The following WDR33 variants were observed in gnomAD, a reference collection of about 807,000 sequenced individuals.
WDR33 encodes pre-mRNA 3' end processing protein WDR33.
WDR33 carries 47 observed loss-of-function variants against 164.9 expected under a neutral mutation model. That is an observed-to-expected ratio of 0.29 (90% CI 0.23 to 0.36). The LOEUF (loss-of-function observed/expected upper bound fraction) is 0.36, where lower values mean the gene tolerates loss of function less well. Among genes scored for constraint, WDR33 ranks in the 10% least tolerant of loss-of-function variants. The pLI is 1.00. For synonymous variants in WDR33, 505 were observed against 589.0 expected (o/e 0.86, Z 2.06); for missense variants, 1,137 against 1,754.1 (o/e 0.65, Z 6.28).
At position 127,706,247 on chromosome 2, in the gene WDR33, T is replaced by C. The variant is rs1686005863; in HGVS notation, c.*76A>G. ...AGGGCTACAATGGTGCAGGCTTCCTTTTGTTTCTCTTGGTGAGTCCACAAG... is the reference window on the plus strand; with the variant it reads ...AGGGCTACAATGGTGCAGGCTTCCTCTTGTTTCTCTTGGTGAGTCCACAAG... On this transcript the variant is annotated 3_prime_UTR_variant, in exon 22 of 22. Transcript: ENST00000322313. The surrounding 1 kb of genome is among the most constrained non-coding windows in gnomAD (Gnocchi z 5.1). The C allele has an allele frequency of 7.4e-7, 1 of 1,354,954 alleles. No homozygotes were observed. The highest frequency in any genetic ancestry group is 9.8e-7 in the Non-Finnish European group (1 of 1,015,692). The allele number at this position is 1,354,954 out of a possible 1,614,324, so 83.9% of individuals were successfully genotyped here.
chr2:127,764,428 C>G lies in WDR33; in HGVS notation c.626+400G>C. ...AGCCTTTTTCCACTTTGTGTGAATT[C>G]TGAAGTTGTTTTCTGTAGGCTTTAG... On this transcript the variant is annotated intron_variant, in intron 6 of 21. Transcript: ENST00000322313. The surrounding 1 kb of genome is among the most constrained non-coding windows in gnomAD (Gnocchi z 6.2). 1.4e-6 allele frequency: 2 copies of G among 1,448,186 alleles called. No homozygotes were observed. Among genetic ancestry groups the G allele is most frequent in the Non-Finnish European group, 9.1e-7 (1 of 1,103,570 alleles). The allele number at this position is 1,448,186 out of a possible 1,614,324, so 89.7% of individuals were successfully genotyped here.
In WDR33 at chr2:127,721,781, G is replaced by A; in HGVS notation, c.1671+55C>T. Reference sequence around the variant, plus strand: ...TCCTTAAGAGCCTATCAATAAAAATGTCACCACTACCCTCTTAGATCATCT... The same window carrying A: ...TCCTTAAGAGCCTATCAATAAAAATATCACCACTACCCTCTTAGATCATCT... On this transcript the variant is annotated intron_variant, in intron 15 of 21. Transcript: ENST00000322313. The surrounding 1 kb of genome is among the most constrained non-coding windows in gnomAD (Gnocchi z 4.9). The A allele has an allele frequency of 3.3e-6, 5 of 1,519,542 alleles. No homozygotes were observed. The highest frequency in any genetic ancestry group is 4.4e-6 in the Non-Finnish European group (5 of 1,137,172). The allele number at this position is 1,519,542 out of a possible 1,614,324, so 94.1% of individuals were successfully genotyped here.
intron 1 of WDR33, among the ~76,000 whole-genome samples, chr2:127,809,355 A>AAG (rs1382731414): frequency 6.6e-6 from 1 of 151,896 alleles, no homozygotes; most frequent in African/African-American, 2.4e-5. Context: ...AAAATTATCC[A>AAG]AGTTAAGCCA....
rs754454193 is a variant in WDR33, at chr2:127,711,751, G to GATATAT, written c.3308+1826_3308+1831dup. Among the ~76,000 whole-genome samples the GATATAT allele has an allele frequency of 4.3e-3, 307 of 71,562 alleles. 4 individuals carry two copies. The highest frequency in any genetic ancestry group is 8.0e-3 in the East Asian group (25 of 3,138). 46.9% of individuals were successfully genotyped at this position (71,562 alleles called of 152,430 possible). A position where few individuals can be genotyped will look rare whatever the true frequency, so the allele number is the denominator to read the frequency against. On this transcript the variant is annotated intron_variant, in intron 18 of 21. Coordinates refer to ENST00000322313, the MANE Select transcript of WDR33 (RefSeq NM_018383.5). The stretch of plus-strand genomic sequence containing the variant: ...CAACCCTAACTCAACCACATATACA[G>GATATAT]ATATATATATATATATATATATATA...
In WDR33 at chr2:127,719,283, G is replaced by C. The variant is rs968530421; in HGVS notation, c.2742C>G (p.Pro914=). 3 of 1,443,436 alleles carry C rather than the reference G, an allele frequency of 2.1e-6. No individual in the cohort carries two copies. The highest frequency in any genetic ancestry group is 2.7e-6 in the Non-Finnish European group (3 of 1,096,784). The allele number at this position is 1,443,436 out of a possible 1,614,324, so 89.4% of individuals were successfully genotyped here. The part of the protein sequence containing the change: ...QQKTPLLGDG[P]RAPFNQEGQS... ...ATAATACCTGGTTGAAGGGGGCCCG[G>C]GGCCCATCACCTAGCAGAGGCGTTT... The change falls in exon 16 of 22, where the codon CCC becomes CCG. Residue 914 remains proline, a synonymous_variant. Coordinates refer to ENST00000322313, the MANE Select transcript of WDR33 (RefSeq NM_018383.5). The surrounding 1 kb of genome is among the most constrained non-coding windows in gnomAD (Gnocchi z 6.5).
intron 7 of WDR33, among the ~76,000 whole-genome samples, chr2:127,752,907 T>A (rs1687414052): frequency 6.6e-6 from 1 of 152,194 alleles, no homozygotes; most frequent in African/African-American, 2.4e-5. Flanking sequence ...TTAAATCCAC[T>A]TATAAGACTT....
Position 127,764,214 on chromosome 2 carries a change from G to C in WDR33, c.626+614C>G. The C allele has an allele frequency of 9.2e-7, 1 of 1,092,498 alleles. No individual in the cohort carries two copies. The highest frequency in any genetic ancestry group is 3.8e-5 in the South Asian group (1 of 26,266). 67.7% of individuals were successfully genotyped at this position (1,092,498 alleles called of 1,614,324 possible). ...TATTGTATACATTTGCATAAGTGAT[G>C]TTATCAACAGTGAATCAGAAGAAAA... is the stretch of plus-strand genomic sequence containing the variant. On this transcript the variant is annotated intron_variant, in intron 6 of 21. Transcript: ENST00000322313. This position sits in a 1 kb window ranked among gnomAD's most constrained non-coding sequence, Gnocchi z 6.2.
In WDR33 at chr2:127,701,873, C is replaced by T; in HGVS notation, c.*4450G>A. 6.9e-7 allele frequency: 1 copy of T among 1,459,676 alleles called. No individual in the cohort carries two copies. The highest frequency in any genetic ancestry group is 1.3e-5 in the South Asian group (1 of 77,734). 90.4% of individuals were successfully genotyped at this position (1,459,676 alleles called of 1,614,324 possible). On this transcript the variant is annotated 3_prime_UTR_variant, in exon 22 of 22. Transcript: ENST00000322313. ...AGTTCGCGCTGCTCTGGTCACTGGG[C>T]TCGGCGCTGGCGTTGGCGGGAAGCG...
intron 7 of WDR33, among the ~76,000 whole-genome samples, chr2:127,753,561 G>A (rs969554895): frequency 6.6e-6 from 1 of 152,186 alleles, no homozygotes; most frequent in African/African-American, 2.4e-5. Context: ...AGTGTCACAT[G>A]GCTGCTAAGA....
intron 1 of WDR33, among the ~76,000 whole-genome samples, chr2:127,781,506 T>A (rs1336818793): frequency 6.6e-6 from 1 of 152,204 alleles, no homozygotes; most frequent in Non-Finnish European, 1.5e-5. Flanking sequence ...CATATCACTA[T>A]CAATGCTCTG....
intron 1 of WDR33, among the ~76,000 whole-genome samples, chr2:127,774,071 A>G (rs995962026): frequency 7.2e-6 from 1 of 138,768 alleles, no homozygotes. Flanking sequence ...TTTTTTTTTA[A>G]GACAGAGTCT....
At position 127,769,041 on chromosome 2, in the gene WDR33, A is replaced by C. The variant is rs777587131; in HGVS notation, c.205-40T>G. On this transcript the variant is annotated intron_variant, in intron 2 of 21. Transcript: ENST00000322313. ...AATAAATAAATAAATAAATAAATAG[A>C]TCAATTAATGACTATATGGTCTGAT... 3 of 1,226,450 alleles carry C rather than the reference A, an allele frequency of 2.4e-6. No homozygotes were observed. In the South Asian group the frequency reaches 6.5e-5, roughly 26 times the overall value. The allele number at this position is 1,226,450 out of a possible 1,614,324, so 76.0% of individuals were successfully genotyped here. A position where few individuals can be genotyped will look rare whatever the true frequency, so the allele number is the denominator to read the frequency against.
In WDR33 at chr2:127,715,088, CTTTTTTT is replaced by C. The variant is rs386391178; in HGVS notation, c.2870-1074_2870-1068del. Among the ~76,000 whole-genome samples the C allele has an allele frequency of 2.1e-4, 23 of 108,572 alleles. No homozygotes were observed. In the South Asian group the frequency reaches 4.4e-3, roughly 21 times the overall value. The allele number at this position is 108,572 out of a possible 152,430, so 71.2% of individuals were successfully genotyped here. ...TCTTCTTTCTTTTCTTTCTTTGTTT[CTTTTTTT>C]TTTTTTTTTTTTTTTGAGACAGAGG... On this transcript the variant is annotated intron_variant, in intron 17 of 21. Coordinates refer to ENST00000322313, the MANE Select transcript of WDR33 (RefSeq NM_018383.5).
rs375580542 is a variant in WDR33, at chr2:127,724,479, A to G, written c.1086-36T>C. 2.5e-6 allele frequency: 4 copies of G among 1,577,258 alleles called. No individual in the cohort carries two copies. The highest frequency in any genetic ancestry group is 3.5e-6 in the Non-Finnish European group (4 of 1,149,440). On this transcript the variant is annotated intron_variant, in intron 10 of 21. Coordinates refer to ENST00000322313, the MANE Select transcript of WDR33 (RefSeq NM_018383.5). The surrounding 1 kb of genome is among the most constrained non-coding windows in gnomAD (Gnocchi z 4.8). ...ACCAAAGAGAGAAGATTTGTTCACA[A>G]AAGTTACCCAGCTTCTCCCTCCCCC...
At chr2:127,740,442 G>A (rs1686980545) in intron 7 of WDR33, among the ~76,000 whole-genome samples, 1 of 152,166 alleles carries the variant, frequency 6.6e-6, no homozygotes, top group South Asian at 2.1e-4. Flanking sequence ...AGGGGGACAT[G>A]GGCAGTGGCT....
chr2:127,797,358 G>A (rs1313302388), intron 1 of WDR33, among the ~76,000 whole-genome samples: 1 of 152,082 alleles, frequency 6.6e-6, no homozygotes, highest in Non-Finnish European at 1.5e-5. Flanking sequence ...TGGGCGTGGT[G>A]GCGCACACCT....
intron 1 of WDR33, among the ~76,000 whole-genome samples, chr2:127,772,838 T>A (rs979378095): frequency 6.6e-6 from 1 of 151,786 alleles, no homozygotes; most frequent in African/African-American, 2.4e-5. Context: ...ATTTTAAAAA[T>A]CAGGCCAGGC....
chr2:127,740,437 G>C lies in WDR33; in HGVS notation c.725-13660C>G, dbSNP rs59365132. Among the ~76,000 whole-genome samples, 746 of 152,260 alleles carry C rather than the reference G, an allele frequency of 4.9e-3. 12 individuals are homozygous for C. The highest frequency in any genetic ancestry group is 0.017 in the African/African-American group (718 of 41,558). On this transcript the variant is annotated intron_variant, in intron 7 of 21. Coordinates refer to ENST00000322313, the MANE Select transcript of WDR33 (RefSeq NM_018383.5). ...CGCTGGGTGTCATGGTGCCCAGGGG[G>C]ACATGGGCAGTGGCTGAGGTGGGCT... is the stretch of plus-strand genomic sequence containing the variant.
chr2:127,810,309 C>G (rs1051396295), intron 1 of WDR33, among the ~76,000 whole-genome samples: 1 of 152,120 alleles, frequency 6.6e-6, no homozygotes, highest in Admixed American at 6.6e-5. Flanking sequence ...GATCCAATTA[C>G]GGAATTCCCT....
Sources: allele counts gnomAD v4.1 joint callset (sites outside exome capture counted in the v4.1 genomes callset), GRCh38; gene constraint gnomAD v4.1.1; non-coding constraint Gnocchi (gnomAD v3.1); transcripts MANE v1.5; gene names NCBI Gene and HGNC (gene_info 2026-07-23, HGNC 2026-07-21).